Variants in MAP3K1 observed in about 807,000 individuals in gnomAD.
MAP3K1 encodes MAP/ERK kinase kinase 1.
Under a neutral mutation model 144.2 loss-of-function variants are expected in MAP3K1, and 36 were observed. The observed-to-expected ratio is 0.25, with a 90% CI of 0.19 to 0.33. MAP3K1 has a LOEUF of 0.33. MAP3K1 is among the 10% of genes least tolerant of loss of function. MAP3K1 has a pLI of 1.00. For missense variants in MAP3K1, 1,650 were observed against 1,881.9 expected, an observed-to-expected ratio of 0.88 and a Z score of 2.28; for synonymous variants, 718 against 688.7, an observed-to-expected ratio of 1.04 and a Z score of -0.67.
At chr5:56,831,756 T>G (rs971206204) in intron 1 of MAP3K1, among the ~76,000 whole-genome samples, 1 of 152,238 alleles carries the variant, frequency 6.6e-6, no homozygotes, top group African/African-American at 2.4e-5. Flanking sequence ...TAAGGAGACC[T>G]ACTTTATGTG....
chr5:56,854,384 A>C (rs34152790), intron 1 of MAP3K1, among the ~76,000 whole-genome samples: 1 of 131,186 alleles, frequency 7.6e-6, no homozygotes, highest in Admixed American at 9.3e-5. Context: ...CAGTGAGCCT[A>C]TTGCACCATT....
chr5:56,845,164 TG>T (rs1413092652), intron 1 of MAP3K1, among the ~76,000 whole-genome samples: 2 of 152,326 alleles, frequency 1.3e-5, no homozygotes, highest in South Asian at 4.1e-4. Flanking sequence ...ATTTTGTTAG[TG>T]GGGTAAGAAT....
At chr5:56,823,402 G>A (rs1340794059) in intron 1 of MAP3K1, among the ~76,000 whole-genome samples, 1 of 152,170 alleles carries the variant, frequency 6.6e-6, no homozygotes, top group Non-Finnish European at 1.5e-5. Context: ...CTTCCTCAGG[G>A]AAGCTTTCCC....
At chr5:56,887,327 TC>T (rs1748408882) in intron 17 of MAP3K1, 50 bp from the exon 18 acceptor site, 1 of 1,596,530 alleles carries the variant, frequency 6.3e-7, no homozygotes, top group Non-Finnish European at 8.6e-7. Context: ...CTTTTATCTG[TC>T]CTTATTTTTG....
chr5:56,880,601 C>A lies in MAP3K1; in HGVS notation c.2088-110C>A, dbSNP rs544004832. The A allele has an allele frequency of 6.1e-5, 46 of 755,354 alleles. No homozygotes were observed. The African/African-American group carries it at 6.2e-4, about 10-fold the overall frequency. 46.8% of individuals were successfully genotyped at this position (755,354 alleles called of 1,614,324 possible). On this transcript the variant is annotated intron_variant, in intron 11 of 19. Coordinates refer to ENST00000399503, the MANE Select transcript of MAP3K1 (RefSeq NM_005921.2). ...TTTAGTGGTGGAAAAGTAAACACTC[C>A]TGAAAACATTATTTCTCCACTTTTT...
intron 10 of MAP3K1, among the ~76,000 whole-genome samples, chr5:56,876,933 G>T (rs1748050814): frequency 6.6e-6 from 1 of 152,138 alleles, no homozygotes; most frequent in Non-Finnish European, 1.5e-5. Context: ...AGTTTGGCAG[G>T]GTTGTGAAAA....
intron 16 of MAP3K1, among the ~76,000 whole-genome samples, chr5:56,885,600 ACTTT>A (rs1748356154): frequency 6.6e-6 from 1 of 152,196 alleles, no homozygotes; most frequent in Non-Finnish European, 1.5e-5. Flanking sequence ...AACATTGTTT[ACTTT>A]AGTCATTAAT....
At chr5:56,892,754 A>G (rs1443671362) in intron 19 of MAP3K1, among the ~76,000 whole-genome samples, 2 of 152,182 alleles carry the variant, frequency 1.3e-5, no homozygotes, top group African/African-American at 4.8e-5. Context: ...GATATGCAAG[A>G]AAGACACTAT....
At chr5:56,840,065 G>GT (rs1746766872) in intron 1 of MAP3K1, among the ~76,000 whole-genome samples, 1 of 152,212 alleles carries the variant, frequency 6.6e-6, no homozygotes, top group East Asian at 1.9e-4. Context: ...GGTAAAGTTG[G>GT]TTTTAAAGTC....
intron 9 of MAP3K1, among the ~76,000 whole-genome samples, chr5:56,873,787 C>G (rs906318987): frequency 6.6e-6 from 1 of 152,100 alleles, no homozygotes; most frequent in African/African-American, 2.4e-5. Context: ...TCTTTTGTGA[C>G]CATTACAGTC....
intron 1 of MAP3K1, among the ~76,000 whole-genome samples, chr5:56,828,328 C>T (rs1746382134): frequency 6.6e-6 from 1 of 152,146 alleles, no homozygotes; most frequent in East Asian, 1.9e-4. Flanking sequence ...CTTTTCTCAT[C>T]TGTGAAAAGA....
chr5:56,874,674 C>T lies in MAP3K1; in HGVS notation c.1687-358C>T, dbSNP rs113036318. Among the ~76,000 whole-genome samples, 11 of 152,146 alleles carry T rather than the reference C, an allele frequency of 7.2e-5. 1 individual carries two copies. The highest frequency in any genetic ancestry group is 3.4e-3 in the Middle Eastern group (1 of 294). ...TCTTGCTCCAGTTTTTCTCTTTAAACTACCTTAATATGAATACAGAGTTGA... is the reference window on the plus strand; with the variant it reads ...TCTTGCTCCAGTTTTTCTCTTTAAATTACCTTAATATGAATACAGAGTTGA... On this transcript the variant is annotated intron_variant, in intron 9 of 19. Coordinates refer to ENST00000399503, the MANE Select transcript of MAP3K1 (RefSeq NM_005921.2).
At chr5:56,871,603 A>G (rs1180711591) in intron 6 of MAP3K1, among the ~76,000 whole-genome samples, 1 of 152,194 alleles carries the variant, frequency 6.6e-6, no homozygotes, top group Non-Finnish European at 1.5e-5. Context: ...CTGTTGGTCT[A>G]TTCAAAAGGT....
At position 56,881,098 on chromosome 5, in the gene MAP3K1, G is replaced by A. The variant is rs1354857463; in HGVS notation, c.2195G>A (p.Gly732Asp). ...EILKAGSIGI[G>D]GVDYVLNCIL... ...CTTTTTGTAGGATCCATTGGTATTG[G>A]TGGTGTTGATTATGTCTTAAATTGT... Residue 732 changes from glycine to aspartate, a missense_variant, in exon 13 of 20, where the codon GGT becomes GAT. This residue lies in a region of MAP3K1 where 841 missense variants were observed against 886.5 expected (regional missense o/e 0.95). Coordinates refer to ENST00000399503, the MANE Select transcript of MAP3K1 (RefSeq NM_005921.2). 25 of 1,612,158 alleles carry A rather than the reference G, an allele frequency of 1.6e-5. No homozygotes were observed. The highest frequency in any genetic ancestry group is 2.0e-5 in the Non-Finnish European group (24 of 1,178,784).
chr5:56,844,570 T>C (rs1243595044), intron 1 of MAP3K1, among the ~76,000 whole-genome samples: 1 of 152,132 alleles, frequency 6.6e-6, no homozygotes, highest in Non-Finnish European at 1.5e-5. Context: ...TTTAAAATTA[T>C]TCAGGCATCA....
In MAP3K1 at chr5:56,815,697, G is replaced by C; in HGVS notation, c.124G>C (p.Gly42Arg). The change falls in exon 1 of 20, where the codon GGA becomes CGA. Residue 42 changes from glycine to arginine, a missense_variant. Physicochemically the swap from Gly to Arg is moderately radical, Grantham distance 125. Transcript: ENST00000399503. ...GAGCAGCGCGCCCGCGGCTGCCGCGGGACTGCTGCGGGAGGCGGGCAGCGG... is the reference window on the plus strand; with the variant it reads ...GAGCAGCGCGCCCGCGGCTGCCGCGCGACTGCTGCGGGAGGCGGGCAGCGG... ...KASSAPAAAA[G>R]LLREAGSGGR... 7.6e-7 allele frequency: 1 copy of C among 1,321,382 alleles called. No individual in the cohort carries two copies. The highest frequency in any genetic ancestry group is 9.6e-7 in the Non-Finnish European group (1 of 1,038,168). 81.9% of individuals were successfully genotyped at this position (1,321,382 alleles called of 1,614,324 possible).
At position 56,881,121 on chromosome 5, in the gene MAP3K1, T is replaced by C. The variant is rs1042737459; in HGVS notation, c.2218T>C (p.Cys740Arg). 1 of 1,613,728 alleles carries C rather than the reference T, an allele frequency of 6.2e-7. No homozygotes were observed. The highest frequency in any genetic ancestry group is 1.3e-5 in the African/African-American group (1 of 75,046). ...GIGGVDYVLNCILGNQTESNN... is the reference protein window; with the variant it reads ...GIGGVDYVLNRILGNQTESNN... ...TGGTGGTGTTGATTATGTCTTAAATTGTATTCTTGGAAACCAAACTGAATC... is the reference window on the plus strand; with the variant it reads ...TGGTGGTGTTGATTATGTCTTAAATCGTATTCTTGGAAACCAAACTGAATC... The change falls in exon 13 of 20, where the codon TGT (cysteine) becomes CGT (arginine). Residue 740 changes from cysteine to arginine, a missense_variant. By Grantham distance (180) the Cys-to-Arg change is radical. Around this residue, in one of 6 missense-constraint regions of MAP3K1, gnomAD observed 841 missense variants for 886.5 expected, o/e 0.95. Coordinates refer to ENST00000399503, the MANE Select transcript of MAP3K1 (RefSeq NM_005921.2).
chr5:56,854,498 G>C (rs775495178), intron 1 of MAP3K1, among the ~76,000 whole-genome samples: 2 of 148,772 alleles, frequency 1.3e-5, no homozygotes, highest in African/African-American at 2.5e-5. Context: ...ACATAAATAA[G>C]GTAAAACGAA....
At position 56,893,788 on chromosome 5, in the gene MAP3K1, A is replaced by G. The variant is rs1748622524; in HGVS notation, c.*108A>G. ...CTGGCCATGATGCCACTGAACAGCT[A>G]TGAACGAGGCCAGTGGGGAACCCTT... On this transcript the variant is annotated 3_prime_UTR_variant, in exon 20 of 20. Transcript: ENST00000399503. 2 of 1,217,318 alleles carry G rather than the reference A, an allele frequency of 1.6e-6. No individual in the cohort carries two copies. The highest frequency in any genetic ancestry group is 1.5e-5 in the African/African-American group (1 of 66,600). The allele number at this position is 1,217,318 out of a possible 1,614,324, so 75.4% of individuals were successfully genotyped here.
Sources: allele counts gnomAD v4.1 joint callset (sites outside exome capture counted in the v4.1 genomes callset), GRCh38; gene constraint gnomAD v4.1.1; regional missense constraint gnomAD v4.1.1; transcripts MANE v1.5; gene names NCBI Gene and HGNC (gene_info 2026-07-23, HGNC 2026-07-21).